Variants in EFHC2 observed in about 807,000 individuals in gnomAD.
The protein encoded by EFHC2 is EF-hand domain containing 2.
In EFHC2, 18 loss-of-function variants were observed where a neutral mutation model predicts 52.7. That is an observed-to-expected ratio of 0.34 (90% CI 0.24 to 0.51). The LOEUF (loss-of-function observed/expected upper bound fraction) is 0.51, where lower values mean the gene tolerates loss of function less well. EFHC2 is among the 20% of genes least tolerant of loss of function. The pLI is 0.97. For synonymous variants in EFHC2, 203 were observed against 204.1 expected (o/e 0.99, Z 0.04); for missense variants, 513 against 562.5 (o/e 0.91, Z 0.89).
intron 11 of EFHC2, 86 bp downstream of exon 11, chrX:44,229,563 T>A (rs2037259224): frequency 1.8e-6 from 2 of 1,115,346 alleles, no homozygotes; most frequent in Non-Finnish European, 2.4e-6. Flanking sequence ...AAAAAATAGT[T>A]AACTGATTAG....
chrX:44,240,007 A>AACCTCATAATAGT (rs1418299859), intron 8 of EFHC2, among the ~76,000 whole-genome samples: 1 of 112,248 alleles, frequency 8.9e-6, no homozygotes, highest in Non-Finnish European at 1.9e-5. Flanking sequence ...GATCAGCATT[A>AACCTCATAATAGT]ACCTCATAAT....
Position 44,223,449 on chromosome X carries a change from T to C in EFHC2, c.1751+6200A>G, listed in dbSNP as rs146237677. Among the ~76,000 whole-genome samples, 485 of 111,657 alleles carry C rather than the reference T, an allele frequency of 4.3e-3. 17 individuals are homozygous for C. The East Asian group carries it at 0.11, about 24-fold the overall frequency. On this transcript the variant is annotated intron_variant, in intron 11 of 14. Coordinates refer to ENST00000420999, the MANE Select transcript of EFHC2 (RefSeq NM_025184.4). ...TTCCTATAGTTCAGCCTTGAGCTTG[T>C]TTCTCCAGCCCTTCCAAAGACACTG...
chrX:44,310,485 C>G (rs1024923313), intron 2 of EFHC2: 3 of 576,041 alleles, frequency 5.2e-6, no homozygotes, highest in African/African-American at 4.6e-5. Flanking sequence ...ATGGTGGTAG[C>G]GCGGCAAAGG....
At chrX:44,189,689 C>T (rs2036905352) in intron 11 of EFHC2, among the ~76,000 whole-genome samples, 1 of 111,054 alleles carries the variant, frequency 9.0e-6, no homozygotes, top group South Asian at 3.9e-4. Context: ...GAGGCATAAA[C>T]TAGAATTGAA....
intron 11 of EFHC2, among the ~76,000 whole-genome samples, chrX:44,205,523 G>A (rs1211178895): frequency 9.0e-6 from 1 of 111,031 alleles, no homozygotes; most frequent in Non-Finnish European, 1.9e-5. Flanking sequence ...GATCTATCAT[G>A]CAAATGGAAA....
intron 3 of EFHC2, among the ~76,000 whole-genome samples, chrX:44,264,677 G>A (rs998532893): frequency 2.7e-5 from 3 of 112,470 alleles, no homozygotes; most frequent in African/African-American, 9.7e-5. Context: ...CATTTGAAAT[G>A]TACAGTTGCA....
intron 11 of EFHC2, among the ~76,000 whole-genome samples, chrX:44,207,109 C>T (rs1160187358): frequency 8.9e-6 from 1 of 111,985 alleles, no homozygotes; most frequent in Non-Finnish European, 1.9e-5. Context: ...CAAAAATAAA[C>T]AATAGAGAAA....
At chrX:44,197,964 G>T (rs757091999) in intron 11 of EFHC2, among the ~76,000 whole-genome samples, 1 of 112,120 alleles carries the variant, frequency 8.9e-6, no homozygotes, top group African/African-American at 3.2e-5. Flanking sequence ...GAAATCATGG[G>T]TGGCACTAAC....
At position 44,225,086 on chromosome X, in the gene EFHC2, T is replaced by A. The variant is rs757072571; in HGVS notation, c.1751+4563A>T. On this transcript the variant is annotated intron_variant, in intron 11 of 14. Coordinates refer to ENST00000420999, the MANE Select transcript of EFHC2 (RefSeq NM_025184.4). ...CCACCAGGTATCTATCCTAAGGCTCTAAGAAAGGTTATCTGCACTCTCTTG... is the reference window on the plus strand; with the variant it reads ...CCACCAGGTATCTATCCTAAGGCTCAAAGAAAGGTTATCTGCACTCTCTTG... 7.2e-5 allele frequency among the ~76,000 whole-genome samples: 8 copies of A among 111,079 alleles called. No homozygotes were observed. The South Asian group carries it at 3.1e-3, about 43-fold the overall frequency.
chrX:44,223,933 C>A (rs2037212758), intron 11 of EFHC2, among the ~76,000 whole-genome samples: 1 of 111,458 alleles, frequency 9.0e-6, no homozygotes, highest in Non-Finnish European at 1.9e-5. Context: ...AAAAATAGGG[C>A]AAAACCATAT....
chrX:44,173,561 G>A (rs2036761823), intron 13 of EFHC2, among the ~76,000 whole-genome samples: 1 of 111,584 alleles, frequency 9.0e-6, no homozygotes, highest in Non-Finnish European at 1.9e-5. Flanking sequence ...GGAGGGAGAG[G>A]GGAATGGGAA....
chrX:44,185,882 C>T (rs1411331997), intron 11 of EFHC2, among the ~76,000 whole-genome samples: 1 of 111,602 alleles, frequency 9.0e-6, no homozygotes. Flanking sequence ...TAAATAATAA[C>T]AGCCAAATTC....
chrX:44,268,972 T>G (rs758117691), intron 3 of EFHC2, among the ~76,000 whole-genome samples: 5 of 111,432 alleles, frequency 4.5e-5, no homozygotes, highest in Non-Finnish European at 9.4e-5. Context: ...AGGGAGTGGA[T>G]AGTGTATCAG....
chrX:44,262,529 A>AAG (rs2037548248), intron 3 of EFHC2, among the ~76,000 whole-genome samples: 1 of 104,616 alleles, frequency 9.6e-6, no homozygotes, highest in African/African-American at 3.5e-5. Flanking sequence ...AAAAAAAAAA[A>AAG]AAAAAAGAAA....
chrX:44,261,354 T>C, intron 3 of EFHC2, 56 bp from the exon 4 acceptor site: 1 of 1,005,853 alleles, frequency 9.9e-7, no homozygotes, highest in South Asian at 2.5e-5. Context: ...AGTAAGAAGA[T>C]ACAGCACATT....
At chrX:44,314,736 T>C (rs2037972626) in intron 1 of EFHC2, among the ~76,000 whole-genome samples, 2 of 111,517 alleles carry the variant, frequency 1.8e-5, no homozygotes, top group African/African-American at 3.3e-5. Context: ...TAGAATAATA[T>C]AGAATTCAAT....
chrX:44,164,308 T>C (rs2036679448), intron 13 of EFHC2, among the ~76,000 whole-genome samples: 1 of 112,116 alleles, frequency 8.9e-6, no homozygotes, highest in Admixed American at 9.5e-5. Context: ...AGACGCAAAT[T>C]TGCTCATTCA....
At chrX:44,281,598 T>C (rs2037702492) in intron 2 of EFHC2, among the ~76,000 whole-genome samples, 1 of 111,590 alleles carries the variant, frequency 9.0e-6, no homozygotes, top group Non-Finnish European at 1.9e-5. Context: ...AAAATAAATA[T>C]GTGTCAAGCC....
Position 44,277,035 on chromosome X carries a change from G to A in EFHC2, c.232-4199C>T, listed in dbSNP as rs765461597. Among the ~76,000 whole-genome samples the A allele has an allele frequency of 1.5e-4, 17 of 110,722 alleles. No individual in the cohort carries two copies. The East Asian group carries it at 1.7e-3, about 11-fold the overall frequency. ...CAGCATTTCGGAGGCCGAGGCGGGC[G>A]GATCACGAGGTCAGGAGATCGAGAC... On this transcript the variant is annotated intron_variant, in intron 2 of 14. Transcript: ENST00000420999.
Sources: gnomAD v4.1 joint callset for allele counts (sites outside exome capture counted in the v4.1 genomes callset) on GRCh38, gnomAD v4.1.1 for gene constraint, MANE v1.5 for transcripts, NCBI Gene and HGNC (gene_info 2026-07-23, HGNC 2026-07-21) for gene names.